Variants in CNOT2 observed in about 807,000 individuals in gnomAD.
CNOT2 encodes the protein CCR4-NOT transcription complex subunit 2, also known as CC chemokine receptor 4-negative regulator of transcription 2.
A neutral mutation model predicts 72.1 loss-of-function variants in CNOT2; 7 were observed. The observed-to-expected ratio is 0.10, with a 90% CI of 0.06 to 0.18. The LOEUF is 0.18. CNOT2 is among the 10% of genes least tolerant of loss of function. CNOT2 has a pLI of 1.00. For missense variants in CNOT2, 345 were observed against 660.3 expected (o/e 0.52, Z 5.23); for synonymous variants, 196 against 225.6 (o/e 0.87, Z 1.17).
chr12:70,334,638 G>T (rs890078977), intron 7 of CNOT2: 2 of 152,094 alleles, frequency 1.3e-5, no homozygotes, highest in African/African-American at 4.8e-5. Context: ...ATACTAAAAA[G>T]TTAAGAAATT....
At chr12:70,344,084 C>A in intron 13 of CNOT2, 44 bp from the exon 14 acceptor site, 1 of 1,364,816 alleles carries the variant, frequency 7.3e-7, no homozygotes, top group Non-Finnish European at 1.0e-6. Context: ...TTAGGATTTG[C>A]AGATTTGTTT....
chr12:70,274,823 T>A (rs923207898), intron 1 of CNOT2, among the ~76,000 whole-genome samples: 1 of 152,038 alleles, frequency 6.6e-6, no homozygotes, highest in Non-Finnish European at 1.5e-5. Context: ...GTAGCAAAAA[T>A]GCACTTAAGA....
rs969164039 is a variant in CNOT2 at position 70,327,708 on chromosome 12, C to T, written c.239-1715C>T. The T allele has an allele frequency of 9.9e-5, 15 of 151,780 alleles. 1 individual carries two copies. Among genetic ancestry groups the T allele is most frequent in the African/African-American group, 3.1e-4 (13 of 41,340 alleles). The allele number at this position is 151,780 out of a possible 1,614,324, so 9.4% of individuals were successfully genotyped here. ...ATGTTTAGGGAGTAGAATGTAAGCT[C>T]CCTGAGGGTAGGGGCCTTTTCTGTT... On this transcript the variant is annotated intron_variant, in intron 4 of 15. Transcript: ENST00000229195.
intron 2 of CNOT2, among the ~76,000 whole-genome samples, chr12:70,298,211 T>A (rs1333800761): frequency 2.0e-5 from 3 of 152,218 alleles, no homozygotes; most frequent in Non-Finnish European, 2.9e-5. Flanking sequence ...TAAAGTGATC[T>A]TTTTGACACA....
chr12:70,291,070 C>G (rs1333406969), intron 2 of CNOT2, among the ~76,000 whole-genome samples: 1 of 152,076 alleles, frequency 6.6e-6, no homozygotes, highest in African/African-American at 2.4e-5. Flanking sequence ...TGTCATAGTC[C>G]TGATTCAATT....
intron 7 of CNOT2, 63 bp downstream of exon 7, chr12:70,332,909 A>C: frequency 6.7e-7 from 1 of 1,487,034 alleles, no homozygotes; most frequent in Non-Finnish European, 8.9e-7. Context: ...ATATAAAGCA[A>C]TTCAACATAC....
chr12:70,351,455 C>T (rs1450175477), intron 15 of CNOT2, among the ~76,000 whole-genome samples: 1 of 152,066 alleles, frequency 6.6e-6, no homozygotes, highest in Non-Finnish European at 1.5e-5. Context: ...GATTTTAAAA[C>T]GTGGAAGGCA....
chr12:70,319,338 T>A lies in CNOT2; in HGVS notation c.212T>A (p.Phe71Tyr), dbSNP rs1195366669. 6.2e-7 allele frequency: 1 copy of A among 1,610,900 alleles called. No individual in the cohort carries two copies. The highest frequency in any genetic ancestry group is 8.5e-7 in the Non-Finnish European group (1 of 1,177,754). Residue 71 changes from phenylalanine to tyrosine, a missense_variant, in exon 4 of 16, where the codon TTT becomes TAT. By Grantham distance (22) the Phe-to-Tyr change is conservative (BLOSUM62 3). This residue lies in a region of CNOT2 where 157 missense variants were observed against 235.3 expected (regional missense o/e 0.67). Coordinates refer to ENST00000229195, the MANE Select transcript of CNOT2 (RefSeq NM_014515.7). ...TCTACATCAGGTCAGCTGTCTCAGT[T>A]TGGGGCAAGTTTATACGGGCAACAA... ...SPSTSGQLSQ[F>Y]GASLYGQQSA...
chr12:70,315,252 G>A (rs80059200), intron 3 of CNOT2, among the ~76,000 whole-genome samples: 8 of 151,974 alleles, frequency 5.3e-5, no homozygotes, highest in Non-Finnish European at 8.8e-5. Flanking sequence ...TAAGTTATCC[G>A]TTTTCCAATT....
At chr12:70,351,620 A>C (rs1472937096) in intron 15 of CNOT2, among the ~76,000 whole-genome samples, 1 of 152,228 alleles carries the variant, frequency 6.6e-6, no homozygotes, top group Non-Finnish European at 1.5e-5. Flanking sequence ...TCCTAGTCAT[A>C]CATTGTAGTT....
At chr12:70,265,165 G>A (rs559035035) in intron 1 of CNOT2, among the ~76,000 whole-genome samples, 1 of 152,024 alleles carries the variant, frequency 6.6e-6, no homozygotes, top group South Asian at 2.1e-4. Context: ...TGACTTAAGT[G>A]TTTTGTGTCC....
intron 2 of CNOT2, among the ~76,000 whole-genome samples, chr12:70,300,651 C>T (rs868117912): frequency 1.7e-4 from 26 of 152,080 alleles, no homozygotes; most frequent in African/African-American, 4.1e-4. Context: ...AGTCAGGTAG[C>T]GTGATGCCTC....
chr12:70,277,085 T>C (rs985757985), intron 1 of CNOT2, among the ~76,000 whole-genome samples: 3 of 152,116 alleles, frequency 2.0e-5, no homozygotes, highest in African/African-American at 7.2e-5. Context: ...AGATTAGATG[T>C]TATCTCCTCA....
chr12:70,289,340 A>G (rs1871459877), intron 2 of CNOT2, among the ~76,000 whole-genome samples: 1 of 152,180 alleles, frequency 6.6e-6, no homozygotes, highest in Non-Finnish European at 1.5e-5. Flanking sequence ...TCTTGTGTGT[A>G]TAATATACCT....
chr12:70,283,976 G>T (rs1462724139), intron 2 of CNOT2, among the ~76,000 whole-genome samples: 4 of 109,256 alleles, frequency 3.7e-5, no homozygotes, highest in Non-Finnish European at 5.2e-5. Flanking sequence ...CGCTCTTGTT[G>T]CCCAGGCTGG....
chr12:70,267,711 CA>C, intron 1 of CNOT2, among the ~76,000 whole-genome samples: 1 of 152,230 alleles, frequency 6.6e-6, no homozygotes, highest in Non-Finnish European at 1.5e-5. Flanking sequence ...AGATACTCGT[CA>C]CACAGTGAGG....
chr12:70,254,823 T>C (rs1478058920), intron 1 of CNOT2, among the ~76,000 whole-genome samples: 5 of 151,506 alleles, frequency 3.3e-5, no homozygotes, highest in Non-Finnish European at 5.9e-5. Flanking sequence ...CTACTAAAAA[T>C]ACAAAAAATT....
chr12:70,259,215 C>G (rs1227120279), intron 1 of CNOT2, among the ~76,000 whole-genome samples: 1 of 152,044 alleles, frequency 6.6e-6, no homozygotes, highest in Non-Finnish European at 1.5e-5. Flanking sequence ...TTGTACTGTT[C>G]TTGTTCAAGC....
chr12:70,271,572 C>G (rs1041601170), intron 1 of CNOT2, among the ~76,000 whole-genome samples: 1 of 151,828 alleles, frequency 6.6e-6, no homozygotes, highest in Non-Finnish European at 1.5e-5. Flanking sequence ...TGGGGTGTGC[C>G]ATGTTGGCCA....
Sources: gnomAD v4.1 joint callset for allele counts (sites outside exome capture counted in the v4.1 genomes callset) on GRCh38, gnomAD v4.1.1 for gene constraint, gnomAD v4.1.1 regional missense constraint, MANE v1.5 for transcripts, NCBI Gene and HGNC (gene_info 2026-07-23, HGNC 2026-07-21) for gene names.